ARHGEF28: variants seen among roughly 807,000 people sequenced by gnomAD.
ARHGEF28 encodes Rho guanine nucleotide exchange factor 28, also known as 190 kDa guanine nucleotide exchange factor.
A neutral mutation model predicts 206.6 loss-of-function variants in ARHGEF28; 152 were observed. That is an observed-to-expected ratio of 0.74 (90% CI 0.64 to 0.84). The LOEUF is 0.84. Ranked by LOEUF, ARHGEF28 falls within the 40% of genes least tolerant of loss-of-function variation. ARHGEF28 has a pLI of 0.00. For synonymous variants in ARHGEF28, 763 were observed against 776.4 expected (o/e 0.98, Z 0.29); for missense variants, 2,028 against 2,073.2 (o/e 0.98, Z 0.42).
At chr5:73,712,062 C>G (rs543269944) in intron 2 of ARHGEF28, among the ~76,000 whole-genome samples, 3 of 151,858 alleles carry the variant, frequency 2.0e-5, no homozygotes, top group African/African-American at 7.2e-5. Flanking sequence ...GGTTTTTCTT[C>G]TTTAGTCTGC....
intron 9 of ARHGEF28, chr5:73,813,680 T>C (rs931471434): frequency 3.3e-5 from 51 of 1,535,148 alleles, no homozygotes; most frequent in Middle Eastern, 1.7e-4. Context: ...CAAGGTAGAT[T>C]GCAGTATCTT....
At chr5:73,632,994 A>G (rs1743463362) in intron 1 of ARHGEF28, among the ~76,000 whole-genome samples, 1 of 151,854 alleles carries the variant, frequency 6.6e-6, no homozygotes, top group Non-Finnish European at 1.5e-5. Context: ...GTTTTCCTGC[A>G]ACTAGATGGT....
chr5:73,896,092 C>T (rs183209203), intron 29 of ARHGEF28, among the ~76,000 whole-genome samples: 8 of 152,072 alleles, frequency 5.3e-5, no homozygotes, highest in African/African-American at 1.7e-4. Context: ...ACAATACTTA[C>T]GGAAAAAAGA....
rs76960940 is a variant in ARHGEF28 at position 73,865,526 on chromosome 5, A to G, written c.2104-439A>G. On this transcript the variant is annotated intron_variant, in intron 17 of 35. Transcript: ENST00000513042. ...CAAACCTCTGTGTCAATAGGAACACATATTGCGTCAGATCACAGAGTTGAG... is the reference window on the plus strand; with the variant it reads ...CAAACCTCTGTGTCAATAGGAACACGTATTGCGTCAGATCACAGAGTTGAG... Among the ~76,000 whole-genome samples, 383 of 152,318 alleles carry G rather than the reference A, an allele frequency of 2.5e-3. 9 individuals are homozygous for G. The East Asian group carries it at 0.066, about 26-fold the overall frequency.
intron 1 of ARHGEF28, among the ~76,000 whole-genome samples, chr5:73,652,860 G>C (rs1032179256): frequency 6.6e-6 from 1 of 152,114 alleles, no homozygotes; most frequent in Non-Finnish European, 1.5e-5. Context: ...GTTAGAAAAC[G>C]GGCAGATGGA....
At position 73,813,633 on chromosome 5, in the gene ARHGEF28, C is replaced by T. The variant is rs928658123; in HGVS notation, c.1024+18242C>T. 17 of 1,535,758 alleles carry T rather than the reference C, an allele frequency of 1.1e-5. No homozygotes were observed. The Admixed American group carries it at 2.4e-4, about 21-fold the overall frequency. On this transcript the variant is annotated intron_variant, in intron 9 of 35. Coordinates refer to ENST00000513042, the MANE Select transcript of ARHGEF28 (RefSeq NM_001177693.2). ...CACCTTTTAACTACTCGTGGCCTTC[C>T]TTTCCCAAAATGAAGATTCGAAGAA...
intron 2 of ARHGEF28, 32 bp downstream of exon 2, chr5:73,684,916 A>G: frequency 6.2e-7 from 1 of 1,609,062 alleles, no homozygotes; most frequent in Non-Finnish European, 8.5e-7. Flanking sequence ...TTCAGGTCCA[A>G]GGGGCCCTTT....
chr5:73,883,838 T>G lies in ARHGEF28; in HGVS notation c.3009T>G (p.Ile1003Met). 6.3e-7 allele frequency: 1 copy of G among 1,579,486 alleles called. No individual in the cohort carries two copies. Among genetic ancestry groups the G allele is most frequent in the East Asian group, 2.3e-5 (1 of 43,472 alleles). The change falls in exon 24 of 36, where the codon ATT (isoleucine) becomes ATG (methionine). Residue 1003 changes from isoleucine to methionine, a missense_variant. By Grantham distance (10) the Ile-to-Met change is conservative. Coordinates refer to ENST00000513042, the MANE Select transcript of ARHGEF28 (RefSeq NM_001177693.2). ...PECILLVTQRITKYPVLVERI... is the reference protein window; with the variant it reads ...PECILLVTQRMTKYPVLVERI... ...GCATTCTGTTGGTCACTCAGCGTATTACAAAATACCCTGTCTTGGTGGAAA... is the reference window on the plus strand; with the variant it reads ...GCATTCTGTTGGTCACTCAGCGTATGACAAAATACCCTGTCTTGGTGGAAA...
intron 10 of ARHGEF28, among the ~76,000 whole-genome samples, chr5:73,836,282 C>T (rs1757629215): frequency 1.3e-5 from 2 of 148,506 alleles, no homozygotes; most frequent in African/African-American, 4.9e-5. Flanking sequence ...AAGAATTCCC[C>T]TTTCTCCACA....
intron 11 of ARHGEF28, among the ~76,000 whole-genome samples, chr5:73,843,361 C>T (rs879504455): frequency 1.6e-4 from 25 of 152,132 alleles, no homozygotes; most frequent in African/African-American, 5.1e-4. Flanking sequence ...GCTGGTTCCA[C>T]GAGCTGACTT....
intron 2 of ARHGEF28, among the ~76,000 whole-genome samples, chr5:73,730,540 T>G: frequency 6.7e-6 from 1 of 149,856 alleles, no homozygotes; most frequent in African/African-American, 2.5e-5. Flanking sequence ...GAGGATTTTT[T>G]TTTTTTTTTT....
At chr5:73,752,187 T>G (rs940347916) in intron 3 of ARHGEF28, among the ~76,000 whole-genome samples, 2 of 152,106 alleles carry the variant, frequency 1.3e-5, no homozygotes, top group Non-Finnish European at 2.9e-5. Flanking sequence ...AGCATAAAAA[T>G]GTACCTGGGT....
intron 35 of ARHGEF28, among the ~76,000 whole-genome samples, chr5:73,935,587 G>C: frequency 6.6e-6 from 1 of 152,222 alleles, no homozygotes; most frequent in East Asian, 1.9e-4. Context: ...GGGATTGCCA[G>C]TAATGCCATC....
At chr5:73,859,586 T>C (rs1759263608) in intron 16 of ARHGEF28, among the ~76,000 whole-genome samples, 1 of 152,238 alleles carries the variant, frequency 6.6e-6, no homozygotes. Flanking sequence ...AATTTTGCTT[T>C]CCTTGAAAAC....
chr5:73,899,770 A>C, intron 30 of ARHGEF28: 1 of 152,236 alleles, frequency 6.6e-6, no homozygotes, highest in East Asian at 1.9e-4. Flanking sequence ...TTCAGTCTTC[A>C]GTATACATGA....
chr5:73,755,705 A>G (rs1376092471), intron 4 of ARHGEF28, among the ~76,000 whole-genome samples: 1 of 152,210 alleles, frequency 6.6e-6, no homozygotes, highest in African/African-American at 2.4e-5. Context: ...ATGCCTGCTC[A>G]AAGTTATTTT....
At chr5:73,847,776 T>C (rs1758454762) in intron 12 of ARHGEF28, among the ~76,000 whole-genome samples, 1 of 152,190 alleles carries the variant, frequency 6.6e-6, no homozygotes, top group African/African-American at 2.4e-5. Flanking sequence ...TGACAAATGG[T>C]TACCACGTAT....
chr5:73,818,576 C>A (rs1424287561), intron 9 of ARHGEF28, among the ~76,000 whole-genome samples: 1 of 152,144 alleles, frequency 6.6e-6, no homozygotes. Flanking sequence ...GCTAAGATTT[C>A]TTTGGCTCTC....
At chr5:73,896,083 C>A (rs779356822) in intron 29 of ARHGEF28, among the ~76,000 whole-genome samples, 3 of 152,082 alleles carry the variant, frequency 2.0e-5, no homozygotes, top group Non-Finnish European at 4.4e-5. Flanking sequence ...GAAAGACAGA[C>A]AATACTTACG....
Sources: allele counts gnomAD v4.1 joint callset (sites outside exome capture counted in the v4.1 genomes callset), GRCh38; gene constraint gnomAD v4.1.1; transcripts MANE v1.5; gene names NCBI Gene and HGNC (gene_info 2026-07-23, HGNC 2026-07-21).